The following TSHZ1 variants were observed in gnomAD, a reference collection of about 807,000 sequenced individuals.
The protein encoded by TSHZ1 is teashirt zinc finger homeobox 1.
TSHZ1 carries 12 observed loss-of-function variants against 67.1 expected under a neutral mutation model. The observed-to-expected ratio is 0.18, with a 90% CI of 0.11 to 0.29. The LOEUF is 0.29. TSHZ1 is among the 10% of genes least tolerant of loss of function. TSHZ1 has a pLI of 1.00. For synonymous variants in TSHZ1, 632 were observed against 622.4 expected (o/e 1.02, Z -0.23); for missense variants, 1,305 against 1,413.9 (o/e 0.92, Z 1.23).
chr18:75,240,194 C>T (rs764411344), intron 1 of TSHZ1, among the ~76,000 whole-genome samples: 34 of 152,080 alleles, frequency 2.2e-4, no homozygotes, highest in African/African-American at 6.8e-4. Flanking sequence ...ATTTGCTTAC[C>T]GTTGCCTAAG....
chr18:75,289,351 C>CA lies in TSHZ1; in HGVS notation c.*720dup, dbSNP rs34767247. The CA allele has an allele frequency of 6.4e-4, 100 of 157,348 alleles. No homozygotes were observed. Among genetic ancestry groups the CA allele is most frequent in the Admixed American group, 1.6e-3 (24 of 14,552 alleles). 9.7% of individuals were successfully genotyped at this position (157,348 alleles called of 1,614,324 possible). A position where few individuals can be genotyped will look rare whatever the true frequency, so the allele number is the denominator to read the frequency against. ...GGATGCTGAAAAATGCCACTTTCGGCAAAAAAAAAAGTATGCAAGCTATTA... is the reference window on the plus strand; with the variant it reads ...GGATGCTGAAAAATGCCACTTTCGGCAAAAAAAAAAAGTATGCAAGCTATTA... On this transcript the variant is annotated 3_prime_UTR_variant, in exon 2 of 2. Transcript: ENST00000580243.
rs1003189292 is a variant in TSHZ1, at chr18:75,211,092, T to G, written c.-785T>G. ...AATCCATGATCAAAATGTGTTTGCA[T>G]TAGATTTCGCATTGGAAGAAGCGGC... is the stretch of plus-strand genomic sequence containing the variant. On this transcript the variant is annotated 5_prime_UTR_variant, in exon 1 of 2. Coordinates refer to ENST00000580243, the MANE Select transcript of TSHZ1 (RefSeq NM_001308210.2). The G allele has an allele frequency of 6.6e-6, 1 of 151,850 alleles. No homozygotes were observed. Among genetic ancestry groups the G allele is most frequent in the African/African-American group, 2.4e-5 (1 of 41,306 alleles). 9.4% of individuals were successfully genotyped at this position (151,850 alleles called of 1,614,324 possible). A position where few individuals can be genotyped will look rare whatever the true frequency, so the allele number is the denominator to read the frequency against.
At chr18:75,264,697 AC>A in intron 1 of TSHZ1, among the ~76,000 whole-genome samples, 1 of 152,242 alleles carries the variant, frequency 6.6e-6, no homozygotes, top group Admixed American at 6.5e-5. Context: ...AAGGGAAGGA[AC>A]TGTGTAGATA....
intron 1 of TSHZ1, among the ~76,000 whole-genome samples, chr18:75,265,485 C>G (rs141059514): frequency 6.6e-6 from 1 of 152,186 alleles, no homozygotes; most frequent in Admixed American, 6.5e-5. Context: ...GTTACATGAC[C>G]TTAGGGTTTT....
chr18:75,288,708 T>C lies in TSHZ1; in HGVS notation c.*67T>C. 6.6e-7 allele frequency: 1 copy of C among 1,511,912 alleles called. No individual in the cohort carries two copies. The highest frequency in any genetic ancestry group is 8.8e-7 in the Non-Finnish European group (1 of 1,132,564). The allele number at this position is 1,511,912 out of a possible 1,614,324, so 93.7% of individuals were successfully genotyped here. On this transcript the variant is annotated 3_prime_UTR_variant, in exon 2 of 2. Coordinates refer to ENST00000580243, the MANE Select transcript of TSHZ1 (RefSeq NM_001308210.2). The surrounding 1 kb of genome is among the most constrained non-coding windows in gnomAD (Gnocchi z 4.9). ...TCGTCGAGCTGCACTAGGCCTGGCCTGAGCCTCTGAAATCAGTCTTTCCTT... is the reference window on the plus strand; with the variant it reads ...TCGTCGAGCTGCACTAGGCCTGGCCCGAGCCTCTGAAATCAGTCTTTCCTT...
intron 1 of TSHZ1, among the ~76,000 whole-genome samples, chr18:75,234,170 A>C (rs913541380): frequency 1.3e-5 from 2 of 152,214 alleles, no homozygotes; most frequent in African/African-American, 4.8e-5. Context: ...GCCAGTGAAT[A>C]CATGATGACT....
chr18:75,215,282 C>G (rs1599366774), intron 1 of TSHZ1, among the ~76,000 whole-genome samples: 1 of 152,168 alleles, frequency 6.6e-6, no homozygotes, highest in Non-Finnish European at 1.5e-5. Flanking sequence ...GCTGGGAGCA[C>G]ACCGGGCCGT....
At chr18:75,276,704 C>T (rs2023617195) in intron 1 of TSHZ1, among the ~76,000 whole-genome samples, 1 of 152,204 alleles carries the variant, frequency 6.6e-6, no homozygotes, top group South Asian at 2.1e-4. Context: ...ATGGGTATCA[C>T]ATTTGCCAGT....
chr18:75,262,319 G>T (rs2023439975), intron 1 of TSHZ1, among the ~76,000 whole-genome samples: 2 of 151,886 alleles, frequency 1.3e-5, no homozygotes, highest in African/African-American at 4.8e-5. Flanking sequence ...ATGAAGTAAG[G>T]TACTGTGTTG....
At chr18:75,267,431 G>A (rs1035534017) in intron 1 of TSHZ1, among the ~76,000 whole-genome samples, 1 of 152,210 alleles carries the variant, frequency 6.6e-6, no homozygotes, top group Non-Finnish European at 1.5e-5. Context: ...CCAGAGATGG[G>A]ATTCAAGGAG....
chr18:75,268,749 T>C (rs1022376721), intron 1 of TSHZ1, among the ~76,000 whole-genome samples: 4 of 152,210 alleles, frequency 2.6e-5, no homozygotes, highest in African/African-American at 7.2e-5. Context: ...TGCCATTTGC[T>C]GGTTTTCTGA....
chr18:75,235,133 A>G (rs186001397), intron 1 of TSHZ1, among the ~76,000 whole-genome samples: 27 of 152,230 alleles, frequency 1.8e-4, no homozygotes, highest in African/African-American at 5.1e-4. Context: ...GGGTTTAATC[A>G]GCACAGCCTT....
In TSHZ1 at chr18:75,287,634, A is replaced by G. The variant is rs2063300181; in HGVS notation, c.2227A>G (p.Ile743Val). 2 of 1,614,198 alleles carry G rather than the reference A, an allele frequency of 1.2e-6. No individual in the cohort carries two copies. Among genetic ancestry groups the G allele is most frequent in the African/African-American group, 1.3e-5 (1 of 75,066 alleles). Reference sequence around the variant, plus strand: ...GGACCACTCACCGGAGCCTTCCTTCATCAACCCGCTGAGCGCTTTGCAGTC... The same window carrying G: ...GGACCACTCACCGGAGCCTTCCTTCGTCAACCCGCTGAGCGCTTTGCAGTC... ...IMDHSPEPSF[I>V]NPLSALQSIM... Residue 743 changes from isoleucine (I) to valine (V), a missense_variant, in exon 2 of 2, where the codon ATC (isoleucine) becomes GTC (valine). By Grantham distance (29) the Ile-to-Val change is conservative. Transcript: ENST00000580243. This position sits in a 1 kb window ranked among gnomAD's most constrained non-coding sequence, Gnocchi z 5.0.
At position 75,286,262 on chromosome 18, in the gene TSHZ1, G is replaced by A. The variant is rs1010118597; in HGVS notation, c.855G>A (p.Arg285=). 1.2e-6 allele frequency: 2 copies of A among 1,613,668 alleles called. No homozygotes were observed. The highest frequency in any genetic ancestry group is 8.5e-7 in the Non-Finnish European group (1 of 1,179,632). ...NRDKDSEKTK[R]WSKPRKRSLM... ...ACAAGGACTCCGAGAAGACCAAGAG[G>A]TGGTCCAAGCCCAGGAAGCGCTCCC... The change falls in exon 2 of 2, where the codon AGG becomes AGA. Residue 285 remains arginine (R), a synonymous_variant. Coordinates refer to ENST00000580243, the MANE Select transcript of TSHZ1 (RefSeq NM_001308210.2). This position sits in a 1 kb window ranked among gnomAD's most constrained non-coding sequence, Gnocchi z 5.1.
chr18:75,260,436 G>A (rs1253277307), intron 1 of TSHZ1, among the ~76,000 whole-genome samples: 1 of 152,132 alleles, frequency 6.6e-6, no homozygotes, highest in South Asian at 2.1e-4. Context: ...TGTATTCCCC[G>A]CAGAAGTAGT....
intron 1 of TSHZ1, among the ~76,000 whole-genome samples, chr18:75,242,597 A>T (rs183694702): frequency 1.7e-3 from 255 of 152,330 alleles, no homozygotes; most frequent in Non-Finnish European, 3.0e-3. Flanking sequence ...GGGCATATTG[A>T]TTTGGATATC....
At chr18:75,260,815 G>A (rs2023421287) in intron 1 of TSHZ1, among the ~76,000 whole-genome samples, 2 of 152,184 alleles carry the variant, frequency 1.3e-5, no homozygotes, top group African/African-American at 2.4e-5. Context: ...GGCCGTGGTG[G>A]TGATATACCA....
chr18:75,264,987 A>AT (rs1053321220), intron 1 of TSHZ1, among the ~76,000 whole-genome samples: 3 of 152,150 alleles, frequency 2.0e-5, no homozygotes, highest in Admixed American at 6.5e-5. Context: ...ATTAAGAGAG[A>AT]TTTTTTGGCT....
chr18:75,246,403 G>GGGGTGTGTGTGTGTGTGTGTGTGTGTGT (rs1555727131), intron 1 of TSHZ1, among the ~76,000 whole-genome samples: 2 of 108,372 alleles, frequency 1.8e-5, no homozygotes, highest in Admixed American at 2.0e-4. Flanking sequence ...TTTGGTTTCT[G>GGGGTGTGTGTGTGTGTGTGTGTGTGTGT]GTGTGTGTGT....
Sources: gnomAD v4.1 joint callset for allele counts (sites outside exome capture counted in the v4.1 genomes callset) on GRCh38, gnomAD v4.1.1 for gene constraint, Gnocchi (gnomAD v3.1) non-coding constraint, MANE v1.5 for transcripts, NCBI Gene and HGNC (gene_info 2026-07-23, HGNC 2026-07-21) for gene names.